The following TULP1 variants were observed in gnomAD, a reference collection of about 807,000 sequenced individuals.
The protein encoded by TULP1 is TUB like protein 1.
TULP1 carries 50 observed loss-of-function variants against 67.1 expected under a neutral mutation model. The ratio of observed to expected loss-of-function variants is 0.75; its 90% CI spans 0.59 to 0.94. The LOEUF is 0.94. TULP1 is among the 40% of genes least tolerant of loss of function. The pLI is 0.00. For synonymous variants in TULP1, 297 were observed against 294.0 expected, an observed-to-expected ratio of 1.01 and a Z score of -0.11; for missense variants, 746 against 734.1, an observed-to-expected ratio of 1.02 and a Z score of -0.19.
chr6:35,503,565 G>A lies in TULP1; in HGVS notation c.1317C>T (p.Pro439=), dbSNP rs1761014246. 6.4e-7 allele frequency: 1 copy of A among 1,570,794 alleles called. No homozygotes were observed. Among genetic ancestry groups the A allele is most frequent in the East Asian group, 2.4e-5 (1 of 42,316 alleles). The change falls in exon 13 of 15, where the codon CCC becomes CCT. Residue 439 remains proline, a synonymous_variant. Coordinates refer to ENST00000229771, the MANE Select transcript of TULP1 (RefSeq NM_003322.6). This position sits in a 1 kb window ranked among gnomAD's most constrained non-coding sequence, Gnocchi z 4.0. ...SAENERVPIR[P]RNASDGLLVR... is the part of the protein sequence containing the mutation. ...AGGGAGGTGCGGGGCTCACATTTCG[G>A]GGCCGGATGGGGACCCTCTCGTTCT...
intron 7 of TULP1, 121 bp from the exon 8 acceptor site, chr6:35,509,433 A>T: frequency 8.8e-7 from 1 of 1,140,748 alleles, no homozygotes; most frequent in Non-Finnish European, 1.3e-6. Flanking sequence ...CCATGTTATT[A>T]TTAGAGCCCA....
At position 35,505,994 on chromosome 6, in the gene TULP1, C is replaced by G; in HGVS notation, c.999+9G>C. The stretch of plus-strand genomic sequence containing the variant: ...CACACTCCCTCCTCTGCTGCCTCTC[C>G]CCACCCACCTTCTTCTCCGTGTCCA... On this transcript the variant is annotated intron_variant, in intron 10 of 14. Transcript: ENST00000229771. The G allele has an allele frequency of 1.2e-6, 2 of 1,614,128 alleles. No homozygotes were observed. Among genetic ancestry groups the G allele is most frequent in the Non-Finnish European group, 1.7e-6 (2 of 1,180,040 alleles).
rs762225895 is a variant in TULP1 at position 35,506,046 on chromosome 6, C to G, written c.956G>C (p.Gly319Ala). 1.2e-6 allele frequency: 2 copies of G among 1,613,876 alleles called. No homozygotes were observed. The highest frequency in any genetic ancestry group is 2.2e-5 in the South Asian group (2 of 91,088). Residue 319 changes from glycine to alanine, a missense_variant, in exon 10 of 15, where the codon GGC (glycine) becomes GCC (alanine). By Grantham distance (60) the Gly-to-Ala change is moderately conservative. Transcript: ENST00000229771. ...GTGCAGGAAGTAGGAGGGATACATG[C>G]CTCGATCCATGCCCTTTTTGTCCCG... ...LTRDKKGMDR[G>A]MYPSYFLHLD...
At position 35,498,381 on chromosome 6, in the gene TULP1, C is replaced by CA; in HGVS notation, c.1574dup (p.Gln526AlafsTer123). ...TGGAGAGGGCGATGGCGAAGGCCTGCAGGGCGCACAGCGGGTACCGGTAGT... is the reference window on the plus strand; with the variant it reads ...TGGAGAGGGCGATGGCGAAGGCCTGCAAGGGCGCACAGCGGGTACCGGTAGT... On this transcript the variant is annotated frameshift_variant, in exon 15 of 15. Coordinates refer to ENST00000229771, the MANE Select transcript of TULP1 (RefSeq NM_003322.6). LOFTEE classifies it high-confidence loss of function. The surrounding 1 kb of genome is among the most constrained non-coding windows in gnomAD (Gnocchi z 6.7). The CA allele has an allele frequency of 6.2e-7, 1 of 1,613,590 alleles. No homozygotes were observed. Among genetic ancestry groups the CA allele is most frequent in the Non-Finnish European group, 8.5e-7 (1 of 1,179,898 alleles).
In TULP1 at chr6:35,511,772, G is replaced by T. The variant is rs1183726243; in HGVS notation, c.225C>A (p.Ser75=). 4 of 1,577,142 alleles carry T rather than the reference G, an allele frequency of 2.5e-6. No individual in the cohort carries two copies. The highest frequency in any genetic ancestry group is 8.6e-7 in the Non-Finnish European group (1 of 1,161,478). The change falls in exon 4 of 15, where the codon TCC becomes TCA. Residue 75 remains serine, a synonymous_variant. Transcript: ENST00000229771. ...GCGCCCGGGCCTGGGCTGGGTCTGG[G>T]GAAGGCTCCTCCCGCGGCCTCCCCG... is the stretch of plus-strand genomic sequence containing the variant. ...GRTGRPREEP[S]PDPAQARAPQ...
chr6:35,507,813 A>T (rs982327509), intron 8 of TULP1, among the ~76,000 whole-genome samples: 2 of 152,110 alleles, frequency 1.3e-5, no homozygotes, highest in African/African-American at 4.8e-5. Context: ...ATTTTTTAAA[A>T]TTTATTTTTT....
Position 35,506,170 on chromosome 6 carries a change from C to T in TULP1, c.832G>A (p.Glu278Lys). Reference sequence around the variant, plus strand: ...ACGGGGGGAGACGGGGCCCTCTCCTCCTTCTGGGTGGGGGCAGAGGGTACA... The same window carrying T: ...ACGGGGGGAGACGGGGCCCTCTCCTTCTTCTGGGTGGGGGCAGAGGGTACA... ...AKGKGKKKAK[E>K]ERAPSPPVEV... Residue 278 changes from glutamate to lysine, a missense_variant, in exon 10 of 15, where the codon GAG becomes AAG. Glu to Lys is a moderately conservative substitution (Grantham distance 56). Coordinates refer to ENST00000229771, the MANE Select transcript of TULP1 (RefSeq NM_003322.6). The T allele has an allele frequency of 1.2e-6, 2 of 1,613,526 alleles. No homozygotes were observed. The highest frequency in any genetic ancestry group is 1.7e-6 in the Non-Finnish European group (2 of 1,179,848).
At chr6:35,504,764 C>G (rs930571482) in intron 11 of TULP1, among the ~76,000 whole-genome samples, 1 of 150,582 alleles carries the variant, frequency 6.6e-6, no homozygotes, top group Non-Finnish European at 1.5e-5. Context: ...GACGGGGTTT[C>G]GCTGTGTTAG....
At position 35,512,223 on chromosome 6, in the gene TULP1, G is replaced by A. The variant is rs748810811; in HGVS notation, c.147C>T (p.Pro49=). The change falls in exon 3 of 15, where the codon CCC becomes CCT. Residue 49 remains proline, a synonymous_variant. Coordinates refer to ENST00000229771, the MANE Select transcript of TULP1 (RefSeq NM_003322.6). Reference sequence around the variant, plus strand: ...TGGATCCCGTGGGGCAGGGGGATTCGGGGGCCTCCGTCCTCTTCTTCCTTA... The same window carrying A: ...TGGATCCCGTGGGGCAGGGGGATTCAGGGGCCTCCGTCCTCTTCTTCCTTA... ...QRLRKKRTEA[P]ESPCPTGSKP... is the part of the protein sequence containing the mutation. The A allele has an allele frequency of 2.9e-6, 4 of 1,364,486 alleles. No homozygotes were observed. Among genetic ancestry groups the A allele is most frequent in the Non-Finnish European group, 1.9e-6 (2 of 1,057,804 alleles). 84.5% of individuals were successfully genotyped at this position (1,364,486 alleles called of 1,614,324 possible). A position where few individuals can be genotyped will look rare whatever the true frequency, so the allele number is the denominator to read the frequency against.
Position 35,503,634 on chromosome 6 carries a change from A to T in TULP1, c.1248T>A (p.Arg416=), listed in dbSNP as rs540965177. 1 of 1,599,792 alleles carries T rather than the reference A, an allele frequency of 6.3e-7. No individual in the cohort carries two copies. Among genetic ancestry groups the T allele is most frequent in the African/African-American group, 1.3e-5 (1 of 74,714 alleles). ...TGATGACGGTCATGCGCCGGGGGCC[A>T]CGGAAGCCCAGCACGTTGGTTTCCT... ...VIYETNVLGF[R]GPRRMTVIIP... The change falls in exon 13 of 15, where the codon CGT becomes CGA. Residue 416 remains arginine, a synonymous_variant. Transcript: ENST00000229771. The surrounding 1 kb of genome is among the most constrained non-coding windows in gnomAD (Gnocchi z 4.0).
chr6:35,503,695 T>C lies in TULP1; in HGVS notation c.1225-38A>G, dbSNP rs746341721. The stretch of plus-strand genomic sequence containing the variant: ...CAGATGCCTGTGAGGCCAGCCCCTG[T>C]AAGGGGAGCAGCCTGGCATGGGGGA... On this transcript the variant is annotated intron_variant, in intron 12 of 14. Coordinates refer to ENST00000229771, the MANE Select transcript of TULP1 (RefSeq NM_003322.6). The surrounding 1 kb of genome is among the most constrained non-coding windows in gnomAD (Gnocchi z 4.0). 1 of 1,602,644 alleles carries C rather than the reference T, an allele frequency of 6.2e-7. No homozygotes were observed. The highest frequency in any genetic ancestry group is 1.1e-5 in the South Asian group (1 of 89,012).
At position 35,511,098 on chromosome 6, in the gene TULP1, T is replaced by A. The variant is rs948193453; in HGVS notation, c.350-88A>T. On this transcript the variant is annotated intron_variant, in intron 4 of 14. Coordinates refer to ENST00000229771, the MANE Select transcript of TULP1 (RefSeq NM_003322.6). Reference sequence around the variant, plus strand: ...GTTCCTCCAGACTGCTGGGAAGTGGTGCATGGGCACCAGAAGGGGAGCCTG... The same window carrying A: ...GTTCCTCCAGACTGCTGGGAAGTGGAGCATGGGCACCAGAAGGGGAGCCTG... The A allele has an allele frequency of 3.8e-6, 6 of 1,579,140 alleles. No individual in the cohort carries two copies. In the African/African-American group the frequency reaches 6.8e-5, roughly 18 times the overall value.
intron 9 of TULP1, 27 bp from the exon 10 acceptor site, chr6:35,506,200 C>A (rs759314192): frequency 9.3e-6 from 15 of 1,612,962 alleles, no homozygotes; most frequent in Non-Finnish European, 1.3e-5. Context: ...GGTACATCAG[C>A]CCCAGAGCAC....
At chr6:35,507,593 G>A (rs1319474516) in intron 8 of TULP1, among the ~76,000 whole-genome samples, 3 of 152,134 alleles carry the variant, frequency 2.0e-5, no homozygotes, top group Non-Finnish European at 4.4e-5. Flanking sequence ...CCCTAGGGTG[G>A]CCTGGTGACC....
Position 35,505,869 on chromosome 6 carries a change from G to A in TULP1, c.1000-16C>T, listed in dbSNP as rs1761070032. On this transcript the variant is annotated splice_polypyrimidine_tract_variant and intron_variant, in intron 10 of 14. Coordinates refer to ENST00000229771, the MANE Select transcript of TULP1 (RefSeq NM_003322.6). ...AGAGGAACACCTGGGGAAAAGGGGA[G>A]ACAGGTGAGAGGATGGGAAGAGAAG... 3 of 1,614,240 alleles carry A rather than the reference G, an allele frequency of 1.9e-6. No homozygotes were observed. Among genetic ancestry groups the A allele is most frequent in the Non-Finnish European group, 2.5e-6 (3 of 1,180,048 alleles).
Position 35,503,969 on chromosome 6 carries a change from G to C in TULP1, c.1113-121C>G, listed in dbSNP as rs917230067. ...ACAAGGGTGGGGGTGAGTTAGGACT[G>C]AGCAATTCATGTCCCCTGCCCCAGG... is the stretch of plus-strand genomic sequence containing the variant. On this transcript the variant is annotated intron_variant, in intron 11 of 14. Transcript: ENST00000229771. This position sits in a 1 kb window ranked among gnomAD's most constrained non-coding sequence, Gnocchi z 4.0. 1 of 726,528 alleles carries C rather than the reference G, an allele frequency of 1.4e-6. No individual in the cohort carries two copies. The highest frequency in any genetic ancestry group is 2.3e-6 in the Non-Finnish European group (1 of 428,652). The allele number at this position is 726,528 out of a possible 1,614,324, so 45.0% of individuals were successfully genotyped here.
At chr6:35,510,826 T>G (rs1183483416) in intron 5 of TULP1, 35 bp downstream of exon 5, 5 of 1,612,706 alleles carry the variant, frequency 3.1e-6, no homozygotes, top group Non-Finnish European at 4.2e-6. Flanking sequence ...CTGTTCTGCT[T>G]CCCTGTGAGC....
In TULP1 at chr6:35,510,948, T is replaced by C; in HGVS notation, c.412A>G (p.Lys138Glu). Residue 138 changes from lysine (K) to glutamate (E), a missense_variant, in exon 5 of 15, where the codon AAA (lysine) becomes GAA (glutamate). Lys to Glu is a moderately conservative substitution (Grantham distance 56, BLOSUM62 1). Around this residue, in one of 3 missense-constraint regions of TULP1, gnomAD observed 359 missense variants for 341.9 expected, o/e 1.05. Transcript: ENST00000229771. Reference sequence around the variant, plus strand: ...GGCTTCTTGGGAGGCAGAAGGATTTTCTCTTTCTTTTCCTCTGCCTCCTCT... The same window carrying C: ...GGCTTCTTGGGAGGCAGAAGGATTTCCTCTTTCTTTTCCTCTGCCTCCTCT... The part of the protein sequence containing the change: ...EEEEAEEKKE[K>E]ILLPPKKPLR... The C allele has an allele frequency of 6.2e-7, 1 of 1,613,072 alleles. No homozygotes were observed. Among genetic ancestry groups the C allele is most frequent in the East Asian group, 2.2e-5 (1 of 44,828 alleles).
intron 1 of TULP1, 21 bp downstream of exon 1, chr6:35,512,791 C>G (rs749478024): frequency 5.0e-6 from 8 of 1,606,346 alleles, no homozygotes; most frequent in South Asian, 3.3e-5. Flanking sequence ...TCAGGTGCCA[C>G]GAACTGGGGG....
Sources: gnomAD v4.1 joint callset for allele counts (sites outside exome capture counted in the v4.1 genomes callset) on GRCh38, gnomAD v4.1.1 for gene constraint, gnomAD v4.1.1 regional missense constraint, Gnocchi (gnomAD v3.1) non-coding constraint, MANE v1.5 for transcripts, NCBI Gene and HGNC (gene_info 2026-07-23, HGNC 2026-07-21) for gene names.